NDUFB4: variants seen among roughly 807,000 people sequenced by gnomAD.
NDUFB4 encodes NADH dehydrogenase [ubiquinone] 1 beta subcomplex subunit 4.
A neutral mutation model predicts 14.5 loss-of-function variants in NDUFB4; 10 were observed. The ratio of observed to expected loss-of-function variants is 0.69; its 90% confidence interval spans 0.43 to 1.17. NDUFB4 has a LOEUF of 1.17. NDUFB4 is among the 50% of genes most tolerant of loss of function. The probability of loss-of-function intolerance (pLI) is 0.00; values close to 1 mark genes in which losing one functional copy is unlikely to be tolerated. For synonymous variants in NDUFB4, 65 were observed against 63.4 expected (o/e 1.03, Z -0.12); for missense variants, 165 against 161.1 (o/e 1.02, Z -0.13).
chr3:120,602,412 C>T lies in NDUFB4; in HGVS notation c.*142C>T, dbSNP rs150551221. On this transcript the variant is annotated 3_prime_UTR_variant, in exon 3 of 3. Transcript: ENST00000184266. ...TAACAACACAGAAGCAGACGCAGCC[C>T]GTGTTGGGAATCTGCTGTCAGAGTG... 298 of 712,282 alleles carry T rather than the reference C, an allele frequency of 4.2e-4. 3 individuals carry two copies. In the East Asian group the frequency reaches 7.7e-3, roughly 18 times the overall value. 44.1% of individuals were successfully genotyped at this position (712,282 alleles called of 1,614,324 possible).
chr3:120,600,834 GATTA>G (rs1398651049), intron 1 of NDUFB4: 1 of 373,670 alleles, frequency 2.7e-6, no homozygotes, highest in African/African-American at 2.2e-5. Flanking sequence ...GATTAGGTTA[GATTA>G]GTTAGATTAA....
At position 120,601,489 on chromosome 3, in the gene NDUFB4, G is replaced by A. The variant is rs1368577105; in HGVS notation, c.327+232G>A. 1.0e-5 allele frequency: 14 copies of A among 1,383,220 alleles called. No homozygotes were observed. In the East Asian group the frequency reaches 2.2e-4, roughly 22 times the overall value. 85.7% of individuals were successfully genotyped at this position (1,383,220 alleles called of 1,614,324 possible). On this transcript the variant is annotated intron_variant, in intron 2 of 2. Coordinates refer to ENST00000184266, the MANE Select transcript of NDUFB4 (RefSeq NM_004547.6). Reference sequence around the variant, plus strand: ...TAGTTCATTTGTTTTTTAAAAAGATGATGTTTATTGGGTTAAGTATTAGCA... The same window carrying A: ...TAGTTCATTTGTTTTTTAAAAAGATAATGTTTATTGGGTTAAGTATTAGCA...
Position 120,596,542 on chromosome 3 carries a change from G to T in NDUFB4, c.180+3G>T. ...ATCCCAACCGCCGAGGGCTCATCGT[G>T]AGTGTGGGGCCTCCCAGGCGGGAAT... On this transcript the variant is annotated splice_donor_region_variant and intron_variant, in intron 1 of 2. Transcript: ENST00000184266. 1 of 1,613,178 alleles carries T rather than the reference G, an allele frequency of 6.2e-7. No individual in the cohort carries two copies. Among genetic ancestry groups the T allele is most frequent in the African/African-American group, 1.3e-5 (1 of 75,052 alleles).
intron 2 of NDUFB4, chr3:120,601,550 G>A (rs765914659): frequency 1.3e-4 from 162 of 1,224,448 alleles, no homozygotes; most frequent in Non-Finnish European, 9.3e-5. Context: ...TCCTGTTTGC[G>A]TGAATTCTAT....
intron 1 of NDUFB4, among the ~76,000 whole-genome samples, chr3:120,599,805 C>T (rs1940027244): frequency 1.3e-5 from 2 of 152,066 alleles, no homozygotes; most frequent in Admixed American, 1.3e-4. Flanking sequence ...GATAGTCATT[C>T]AGATACATTT....
chr3:120,598,280 C>T (rs1309555086), intron 1 of NDUFB4, among the ~76,000 whole-genome samples: 1 of 152,012 alleles, frequency 6.6e-6, no homozygotes, highest in East Asian at 1.9e-4. Context: ...TCTTGAACTC[C>T]TGAGCTCAAG....
In NDUFB4 at chr3:120,601,088, CTT is replaced by C. The variant is rs764290172; in HGVS notation, c.181-19_181-18del. 3.4e-5 allele frequency: 54 copies of C among 1,588,114 alleles called. 1 individual carries two copies. Among genetic ancestry groups the C allele is most frequent in the Non-Finnish European group, 4.4e-5 (51 of 1,166,738 alleles). ...ATGTGATCCTTCTTAAGTTCTATAA[CTT>C]TTTGTTTTCATTAATTTTAGGAAAA... On this transcript the variant is annotated intron_variant, in intron 1 of 2. Coordinates refer to ENST00000184266, the MANE Select transcript of NDUFB4 (RefSeq NM_004547.6).
At chr3:120,601,718 A>G in intron 2 of NDUFB4, 1 of 1,027,698 alleles carries the variant, frequency 9.7e-7, no homozygotes, top group Non-Finnish European at 1.2e-6. Context: ...ACCATTCCAC[A>G]TCTGGTACTA....
intron 1 of NDUFB4, among the ~76,000 whole-genome samples, chr3:120,599,178 A>G (rs1268286348): frequency 6.6e-6 from 1 of 152,156 alleles, no homozygotes; most frequent in South Asian, 2.1e-4. Context: ...TTACTAAGAA[A>G]CACAGGAATG....
chr3:120,597,026 A>T (rs562509258), intron 1 of NDUFB4, among the ~76,000 whole-genome samples: 14 of 146,636 alleles, frequency 9.5e-5, no homozygotes, highest in Admixed American at 1.4e-4. Flanking sequence ...TATATATTTT[A>T]TATATATGCA....
Position 120,602,252 on chromosome 3 carries a change from A to G in NDUFB4, c.372A>G (p.Thr124=). 2 of 1,610,538 alleles carry G rather than the reference A, an allele frequency of 1.2e-6. No individual in the cohort carries two copies. Among genetic ancestry groups the G allele is most frequent in the Non-Finnish European group, 1.7e-6 (2 of 1,179,152 alleles). ...TCCAGGAAGGAAAATTGGATCGAAC[A>G]TTTCACCTCTCATATTAAGTCTGGC... ...KLIQEGKLDR[T]FHLSY is the part of the protein sequence containing the mutation. The change falls in exon 3 of 3, where the codon ACA becomes ACG. Residue 124 remains threonine, a synonymous_variant. Coordinates refer to ENST00000184266, the MANE Select transcript of NDUFB4 (RefSeq NM_004547.6).
chr3:120,600,121 GT>G (rs535359141), intron 1 of NDUFB4, among the ~76,000 whole-genome samples: 2,469 of 117,892 alleles, frequency 0.021, 75 homozygotes, highest in African/African-American at 0.065. Flanking sequence ...TTTTTTTTTT[GT>G]TTTTTTTTTT....
chr3:120,600,089 G>C (rs1241844838), intron 1 of NDUFB4, among the ~76,000 whole-genome samples: 1 of 138,934 alleles, frequency 7.2e-6, no homozygotes, highest in Non-Finnish European at 1.6e-5. Flanking sequence ...TAAAAGGAAC[G>C]GAAGCATTTC....
chr3:120,596,627 G>T, intron 1 of NDUFB4, 88 bp downstream of exon 1: 1 of 1,405,728 alleles, frequency 7.1e-7, no homozygotes, highest in Non-Finnish European at 9.8e-7. Context: ...CACCGCTCCC[G>T]ATCAGTATCT....
At chr3:120,601,323 C>T in intron 2 of NDUFB4, 66 bp downstream of exon 2, 1 of 1,599,024 alleles carries the variant, frequency 6.3e-7, no homozygotes, top group Non-Finnish European at 8.5e-7. Flanking sequence ...CCAGCTGCAG[C>T]TCCTTCTCTT....
chr3:120,602,178 C>G, intron 2 of NDUFB4, 30 bp from the exon 3 acceptor site: 1 of 1,598,400 alleles, frequency 6.3e-7, no homozygotes, highest in Non-Finnish European at 8.5e-7. Context: ...AATATATTGT[C>G]TTTAATGTAC....
intron 2 of NDUFB4, 186 bp downstream of exon 2, chr3:120,601,443 G>GCCGGGCGTGGTGGC: frequency 7.0e-7 from 1 of 1,423,790 alleles, no homozygotes; most frequent in Non-Finnish European, 9.1e-7. Flanking sequence ...AAAGTTTTCA[G>GCCGGGCGTGGTGGC]TCACCTTTGT....
intron 2 of NDUFB4, 72 bp from the exon 3 acceptor site, chr3:120,602,136 A>G (rs1940074511): frequency 6.4e-7 from 1 of 1,561,342 alleles, no homozygotes; most frequent in African/African-American, 1.4e-5. Context: ...TTTTTTATTT[A>G]TTTATTTTTA....
chr3:120,602,176 G>A, intron 2 of NDUFB4, 32 bp from the exon 3 acceptor site: 1 of 1,596,812 alleles, frequency 6.3e-7, no homozygotes, highest in South Asian at 1.1e-5. Flanking sequence ...AGAATATATT[G>A]TCTTTAATGT....
Sources: gnomAD v4.1 joint callset for allele counts (sites outside exome capture counted in the v4.1 genomes callset) on GRCh38, gnomAD v4.1.1 for gene constraint, MANE v1.5 for transcripts, NCBI Gene and HGNC (gene_info 2026-07-23, HGNC 2026-07-21) for gene names.